ZNF280B: variants seen among roughly 807,000 people sequenced by gnomAD.
ZNF280B encodes the protein zinc finger protein 280B.
Under a neutral mutation model 38.0 loss-of-function variants are expected in ZNF280B, and 16 were observed. That is an observed-to-expected ratio of 0.42 (90% CI 0.28 to 0.64). The LOEUF is 0.64. Ranked by LOEUF, ZNF280B falls within the 30% of genes least tolerant of loss-of-function variation. The probability of loss-of-function intolerance (pLI) is 0.21; values close to 1 mark genes in which losing one functional copy is unlikely to be tolerated. For synonymous variants in ZNF280B, 253 were observed against 230.6 expected (o/e 1.10, Z -0.88); for missense variants, 581 against 639.6 (o/e 0.91, Z 0.99).
At chr22:22,495,471 T>C (rs536777650) in intron 2 of ZNF280B, among the ~76,000 whole-genome samples, 4 of 151,912 alleles carry the variant, frequency 2.6e-5, no homozygotes, top group Non-Finnish European at 5.9e-5. Context: ...GTAAGTATAA[T>C]AAAAATGCAA....
rs200435525 is a variant in ZNF280B, at chr22:22,490,459, G to C, written c.-68-993C>G. ...TCACTGTAGTCACACTAACCTCCTT[G>C]CTATTTATTTTAATTTTTTAAATTA... On this transcript the variant is annotated intron_variant, in intron 3 of 3. Transcript: ENST00000626650. 3.3e-5 allele frequency among the ~76,000 whole-genome samples: 5 copies of C among 151,930 alleles called. No individual in the cohort carries two copies. The East Asian group carries it at 9.8e-4, about 30-fold the overall frequency.
rs1202309945 is a variant in ZNF280B, at chr22:22,484,470, T to A, written c.*3297A>T. On this transcript the variant is annotated 3_prime_UTR_variant, in exon 4 of 4. Coordinates refer to ENST00000626650, the MANE Select transcript of ZNF280B (RefSeq NM_080764.4). ...CTATAATTGATATTTTACTTATAAT[T>A]TTTGGCAACATTAATAAAATAATAA... 6.6e-6 allele frequency: 1 copy of A among 152,418 alleles called. No homozygotes were observed. Among genetic ancestry groups the A allele is most frequent in the Non-Finnish European group, 1.5e-5 (1 of 68,028 alleles). 9.4% of individuals were successfully genotyped at this position (152,418 alleles called of 1,614,324 possible). A position where few individuals can be genotyped will look rare whatever the true frequency, so the allele number is the denominator to read the frequency against.
rs1188805640 is a variant in ZNF280B, at chr22:22,488,180, C to G, written c.1219G>C (p.Val407Leu). 1.2e-6 allele frequency: 2 copies of G among 1,613,786 alleles called. No homozygotes were observed. The highest frequency in any genetic ancestry group is 1.7e-6 in the Non-Finnish European group (2 of 1,179,982). The change falls in exon 4 of 4, where the codon GTT (valine) becomes CTT (leucine). Residue 407 changes from valine to leucine, a missense_variant. By Grantham distance (32) the Val-to-Leu change is conservative. Transcript: ENST00000626650. ...KPGEMPYVCQVCHYRSSVFAD... is the reference protein window; with the variant it reads ...KPGEMPYVCQLCHYRSSVFAD... ...AAGACCGACGATCTATAATGGCAAA[C>G]CTGGCACACATAGGGCATTTCGCCA...
chr22:22,488,059 T>C lies in ZNF280B; in HGVS notation c.1340A>G (p.Tyr447Cys). Residue 447 changes from tyrosine to cysteine, a missense_variant, in exon 4 of 4, where the codon TAC (tyrosine) becomes TGC (cysteine). Coordinates refer to ENST00000626650, the MANE Select transcript of ZNF280B (RefSeq NM_080764.4). Reference protein sequence around the residue: ...CLKIFKTATPYMCHYRGHWGK... With the variant: ...CLKIFKTATPCMCHYRGHWGK... Reference sequence around the variant, plus strand: ...CCAGTGGCCCCTATAATGACACATGTATGGTGTTGCTGTTTTGAAAATTTT... The same window carrying C: ...CCAGTGGCCCCTATAATGACACATGCATGGTGTTGCTGTTTTGAAAATTTT... 6.2e-7 allele frequency: 1 copy of C among 1,613,922 alleles called. No individual in the cohort carries two copies. Among genetic ancestry groups the C allele is most frequent in the Non-Finnish European group, 8.5e-7 (1 of 1,179,974 alleles).
At chr22:22,506,348 G>A (rs2061939916) in intron 2 of ZNF280B, among the ~76,000 whole-genome samples, 1 of 151,734 alleles carries the variant, frequency 6.6e-6, no homozygotes, top group African/African-American at 2.4e-5. Context: ...CCATTCAGGT[G>A]GGAGGAGAAT....
At chr22:22,506,488 T>C (rs1033254314) in intron 2 of ZNF280B, among the ~76,000 whole-genome samples, 8 of 151,786 alleles carry the variant, frequency 5.3e-5, no homozygotes, top group Non-Finnish European at 8.8e-5. Flanking sequence ...GTGGAATTCA[T>C]TGGTGACCTT....
chr22:22,489,611 T>A, intron 3 of ZNF280B, 145 bp from the exon 4 acceptor site: 2 of 508,426 alleles, frequency 3.9e-6, no homozygotes, highest in Non-Finnish European at 6.8e-6. Flanking sequence ...AAACCTGTGA[T>A]AAAAGATCAG....
At chr22:22,496,780 A>T (rs1446214103) in intron 2 of ZNF280B, among the ~76,000 whole-genome samples, 1 of 151,402 alleles carries the variant, frequency 6.6e-6, no homozygotes, top group Non-Finnish European at 1.5e-5. Context: ...GCCTGAAAAA[A>T]ATTTGTGTGT....
Position 22,507,311 on chromosome 22 carries a change from T to A in ZNF280B, c.-187+499A>T, listed in dbSNP as rs144394237. Among the ~76,000 whole-genome samples the A allele has an allele frequency of 1.3e-3, 196 of 152,122 alleles. 7 individuals carry two copies. The East Asian group carries it at 0.02, about 15-fold the overall frequency. On this transcript the variant is annotated intron_variant, in intron 2 of 3. Coordinates refer to ENST00000626650, the MANE Select transcript of ZNF280B (RefSeq NM_080764.4). ...AACTATGAGGTAATAAATTTTTTTT[T>A]AAACTACTAAGTTTTGAGACAATTT...
At chr22:22,506,050 AAGG>A (rs2061932288) in intron 2 of ZNF280B, among the ~76,000 whole-genome samples, 22,452 of 151,692 alleles carry the variant, frequency 0.15, 1,926 homozygotes, top group South Asian at 0.29. Flanking sequence ...GAAGGCCCAC[AAGG>A]TTCATTGATG....
Position 22,487,523 on chromosome 22 carries a change from C to G in ZNF280B, c.*244G>C, listed in dbSNP as rs1404129334. 1 of 349,378 alleles carries G rather than the reference C, an allele frequency of 2.9e-6. No individual in the cohort carries two copies. The highest frequency in any genetic ancestry group is 2.2e-5 in the African/African-American group (1 of 45,594). The allele number at this position is 349,378 out of a possible 1,614,324, so 21.6% of individuals were successfully genotyped here. A position where few individuals can be genotyped will look rare whatever the true frequency, so the allele number is the denominator to read the frequency against. Reference sequence around the variant, plus strand: ...AATACCTTTTTCTCTCTCTCACACACACACACAAACACCTTTTATGTGTTA... The same window carrying G: ...AATACCTTTTTCTCTCTCTCACACAGACACACAAACACCTTTTATGTGTTA... On this transcript the variant is annotated 3_prime_UTR_variant, in exon 4 of 4. Transcript: ENST00000626650.
intron 3 of ZNF280B, 80 bp from the exon 4 acceptor site, chr22:22,489,546 A>G (rs2061552125): frequency 4.3e-6 from 3 of 690,998 alleles, no homozygotes; most frequent in Non-Finnish European, 6.9e-6. Flanking sequence ...GTTTTTATAA[A>G]CCACTATTTT....
At chr22:22,493,709 T>C (rs2061641632) in intron 3 of ZNF280B, among the ~76,000 whole-genome samples, 1 of 151,992 alleles carries the variant, frequency 6.6e-6, no homozygotes, top group Admixed American at 6.6e-5. Context: ...TTCATTTTTG[T>C]ACACTTGTAC....
chr22:22,493,784 T>C (rs930910022), intron 3 of ZNF280B, among the ~76,000 whole-genome samples: 11 of 151,958 alleles, frequency 7.2e-5, no homozygotes, highest in African/African-American at 1.9e-4. Context: ...CACCACAAGA[T>C]GGATCTTAAA....
intron 2 of ZNF280B, among the ~76,000 whole-genome samples, chr22:22,499,376 T>C (rs1268312772): frequency 2.6e-5 from 4 of 151,796 alleles, no homozygotes; most frequent in African/African-American, 4.8e-5. Context: ...GCAATTCTCC[T>C]GCCTCTGCCT....
In ZNF280B at chr22:22,487,782, TGAA is replaced by T; in HGVS notation, c.1614_1616del (p.Ser539del). Reference sequence around the variant, plus strand: ...GAAACTAGAATTAATGGGACTTTTTTGAAATTTTGCTTTTAGACCTGGGGAGTG... The same window carrying T: ...GAAACTAGAATTAATGGGACTTTTTTATTTTGCTTTTAGACCTGGGGAGTG... On this transcript the variant is annotated inframe_deletion, in exon 4 of 4. Coordinates refer to ENST00000626650, the MANE Select transcript of ZNF280B (RefSeq NM_080764.4). 1 of 1,573,510 alleles carries T rather than the reference TGAA, an allele frequency of 6.4e-7. No homozygotes were observed. Among genetic ancestry groups the T allele is most frequent in the Non-Finnish European group, 8.6e-7 (1 of 1,163,804 alleles).
chr22:22,505,416 C>T (rs985216597), intron 2 of ZNF280B, among the ~76,000 whole-genome samples: 2 of 151,506 alleles, frequency 1.3e-5, no homozygotes, highest in African/African-American at 2.4e-5. Flanking sequence ...AAATACAAAA[C>T]GTAGCCAAGT....
Position 22,508,697 on chromosome 22 carries a change from GCA to G in ZNF280B, c.-288_-287del, listed in dbSNP as rs1056380236. 1 of 151,912 alleles carries G rather than the reference GCA, an allele frequency of 6.6e-6. No homozygotes were observed. The highest frequency in any genetic ancestry group is 1.5e-5 in the Non-Finnish European group (1 of 68,030). The allele number at this position is 151,912 out of a possible 1,614,324, so 9.4% of individuals were successfully genotyped here. On this transcript the variant is annotated 5_prime_UTR_variant, in exon 1 of 4. Transcript: ENST00000626650. ...CTGCTGTTCGCGAGCTGCCGGCCACGCACCAGCCCCGGAGGCGCTCCCGGGGC... is the reference window on the plus strand; with the variant it reads ...CTGCTGTTCGCGAGCTGCCGGCCACGCCAGCCCCGGAGGCGCTCCCGGGGC...
intron 2 of ZNF280B, among the ~76,000 whole-genome samples, chr22:22,498,592 A>C (rs1470976275): frequency 2.0e-5 from 3 of 151,856 alleles, no homozygotes; most frequent in African/African-American, 7.3e-5. Flanking sequence ...ACTTCCCCAA[A>C]TAAAAGCCCA....
Sources: gnomAD v4.1 joint callset for allele counts (sites outside exome capture counted in the v4.1 genomes callset) on GRCh38, gnomAD v4.1.1 for gene constraint, MANE v1.5 for transcripts, NCBI Gene and HGNC (gene_info 2026-07-23, HGNC 2026-07-21) for gene names.